HSPA4L: variants seen among roughly 807,000 people sequenced by gnomAD.
The protein encoded by HSPA4L is heat shock 70 kDa protein 4L.
A neutral mutation model predicts 100.3 loss-of-function variants in HSPA4L; 48 were observed. The observed-to-expected ratio is 0.48, with a 90% CI of 0.38 to 0.61. The LOEUF (loss-of-function observed/expected upper bound fraction) is 0.61, where lower values mean the gene tolerates loss of function less well. Among genes scored for constraint, HSPA4L ranks in the 20% least tolerant of loss-of-function variants. The pLI, the probability that HSPA4L is intolerant of heterozygous loss-of-function variation, is 0.00. For missense variants in HSPA4L, 886 were observed against 988.6 expected (o/e 0.90, Z 1.39); for synonymous variants, 319 against 328.2 (o/e 0.97, Z 0.30).
chr4:127,801,779 A>T lies in HSPA4L; in HGVS notation c.530-6A>T. The stretch of plus-strand genomic sequence containing the variant: ...AGAATTAACATAATTCTTTGTTCTT[A>T]TACAGTTGCACTGGCGTATGGAATT... On this transcript the variant is annotated splice_region_variant and splice_polypyrimidine_tract_variant and intron_variant, in intron 5 of 18. Coordinates refer to ENST00000296464, the MANE Select transcript of HSPA4L (RefSeq NM_014278.4). 6.3e-7 allele frequency: 1 copy of T among 1,594,244 alleles called. No homozygotes were observed. The highest frequency in any genetic ancestry group is 8.5e-7 in the Non-Finnish European group (1 of 1,172,614).
At chr4:127,781,961 C>G (rs539171410), upstream of HSPA4L, 774 of 431,834 alleles carry the variant, frequency 1.8e-3, 3 homozygotes, top group South Asian at 2.8e-3. Flanking sequence ...AAAAATGTGC[C>G]TCAAAACACG....
chr4:127,792,259 CTATCT>C (rs1285990118), intron 1 of HSPA4L, among the ~76,000 whole-genome samples: 1 of 152,160 alleles, frequency 6.6e-6, no homozygotes, highest in African/African-American at 2.4e-5. Flanking sequence ...GGCCTTGATA[CTATCT>C]TATCAAATTG....
At chr4:127,782,789 A>C (rs995378361) in intron 1 of HSPA4L, 132 bp downstream of exon 1, 3 of 642,710 alleles carry the variant, frequency 4.7e-6, no homozygotes, top group Non-Finnish European at 7.9e-6. Context: ...GACAGGTGCA[A>C]CCCGTCAACC....
chr4:127,832,824 A>G lies in HSPA4L; in HGVS notation c.2470A>G (p.Lys824Glu). The change falls in exon 19 of 19, where the codon AAA becomes GAA. Residue 824 changes from lysine to glutamate, a missense_variant. By Grantham distance (56) the Lys-to-Glu change is moderately conservative. Coordinates refer to ENST00000296464, the MANE Select transcript of HSPA4L (RefSeq NM_014278.4). Reference protein sequence around the residue: ...SGTETKSDSTKDSSQHTKSSG... With the variant: ...SGTETKSDSTEDSSQHTKSSG... ...AACTGAAACTAAATCAGATTCAACAAAAGACAGCTCACAGCATACTAAATC... is the reference window on the plus strand; with the variant it reads ...AACTGAAACTAAATCAGATTCAACAGAAGACAGCTCACAGCATACTAAATC... The G allele has an allele frequency of 6.2e-7, 1 of 1,613,562 alleles. No homozygotes were observed. Among genetic ancestry groups the G allele is most frequent in the Non-Finnish European group, 8.5e-7 (1 of 1,179,708 alleles).
At chr4:127,793,840 AT>A (rs1578692159) in intron 1 of HSPA4L, among the ~76,000 whole-genome samples, 1 of 152,298 alleles carries the variant, frequency 6.6e-6, no homozygotes. Flanking sequence ...AATTTTGGAG[AT>A]CAACATTGTA....
At chr4:127,787,961 A>G (rs1732764897) in intron 1 of HSPA4L, among the ~76,000 whole-genome samples, 1 of 152,172 alleles carries the variant, frequency 6.6e-6, no homozygotes, top group Non-Finnish European at 1.5e-5. Flanking sequence ...GGTTGCAGGT[A>G]GTGGTAGTTT....
chr4:127,820,391 A>G (rs752621482), intron 13 of HSPA4L, 37 bp from the exon 14 acceptor site: 54 of 1,541,982 alleles, frequency 3.5e-5, no homozygotes, highest in Admixed American at 6.8e-5. Context: ...TTTTTAAGCT[A>G]ATTTTAGAAA....
chr4:127,809,673 A>C (rs1733472013), intron 11 of HSPA4L, among the ~76,000 whole-genome samples: 1 of 152,116 alleles, frequency 6.6e-6, no homozygotes, highest in Admixed American at 6.6e-5. Context: ...TCGTCCAAGG[A>C]ATTGATTATG....
chr4:127,792,857 G>A (rs1732914258), intron 1 of HSPA4L, among the ~76,000 whole-genome samples: 1 of 152,194 alleles, frequency 6.6e-6, no homozygotes, highest in Non-Finnish European at 1.5e-5. Context: ...GACCTGAAAG[G>A]AGTGAGAGCA....
intron 8 of HSPA4L, 54 bp downstream of exon 8, chr4:127,804,141 C>CG: frequency 7.5e-7 from 1 of 1,327,844 alleles, no homozygotes; most frequent in Non-Finnish European, 1.1e-6. Flanking sequence ...GCCTACTTAG[C>CG]GGGGGTAGAT....
chr4:127,814,881 G>A (rs1210499812), intron 12 of HSPA4L, among the ~76,000 whole-genome samples: 2 of 152,026 alleles, frequency 1.3e-5, no homozygotes, highest in African/African-American at 4.8e-5. Flanking sequence ...CTTTTTAATG[G>A]TTCTCTCTAG....
intron 4 of HSPA4L, 119 bp downstream of exon 4, chr4:127,798,828 C>A: frequency 1.1e-6 from 1 of 903,470 alleles, no homozygotes; most frequent in Admixed American, 3.0e-5. Context: ...AACCTAAATC[C>A]ATCTGACTTT....
Position 127,825,097 on chromosome 4 carries a change from G to A in HSPA4L, c.2046+1473G>A, listed in dbSNP as rs912469001. 9.3e-5 allele frequency among the ~76,000 whole-genome samples: 14 copies of A among 150,618 alleles called. No individual in the cohort carries two copies. The South Asian group carries it at 1.5e-3, about 16-fold the overall frequency. ...GGAACTTGCAGTGAGCTGAGATTGC[G>A]CCACTGCACTCCAGCCTGGGCGACA... On this transcript the variant is annotated intron_variant, in intron 16 of 18. Transcript: ENST00000296464.
intron 1 of HSPA4L, among the ~76,000 whole-genome samples, chr4:127,786,236 C>A (rs957205677): frequency 6.6e-6 from 1 of 152,110 alleles, no homozygotes; most frequent in Non-Finnish European, 1.5e-5. Flanking sequence ...ATTAGTAAAA[C>A]AATGAATTGG....
At chr4:127,803,044 T>C (rs1199899297) in intron 6 of HSPA4L, among the ~76,000 whole-genome samples, 1 of 152,206 alleles carries the variant, frequency 6.6e-6, no homozygotes, top group African/African-American at 2.4e-5. Context: ...GACTCTCTTC[T>C]GCTGGGAAGC....
intron 1 of HSPA4L, among the ~76,000 whole-genome samples, chr4:127,788,682 TTGGGGTATGTCACAAC>T (rs1181928949): frequency 6.6e-6 from 1 of 152,200 alleles, no homozygotes; most frequent in African/African-American, 2.4e-5. Context: ...CTGAGATATT[TTGGGGTATGTCACAAC>T]TGAGGTCTAA....
At chr4:127,830,914 C>T in intron 18 of HSPA4L, 115 bp downstream of exon 18, 2 of 636,552 alleles carry the variant, frequency 3.1e-6, no homozygotes, top group East Asian at 3.4e-5. Context: ...AAATTTAAGA[C>T]TAATTTTTTA....
At chr4:127,781,891 G>A, upstream of HSPA4L, 1 of 342,996 alleles carries the variant, frequency 2.9e-6, no homozygotes, top group Non-Finnish European at 6.0e-6. Context: ...GGCGGCGCCC[G>A]CCAGCCAGGA....
At chr4:127,818,830 G>A (rs1578716157) in intron 13 of HSPA4L, among the ~76,000 whole-genome samples, 1 of 150,870 alleles carries the variant, frequency 6.6e-6, no homozygotes, top group South Asian at 2.1e-4. Context: ...ACAGACCCCT[G>A]TGACATGAGT....
Sources: gnomAD v4.1 joint callset for allele counts (sites outside exome capture counted in the v4.1 genomes callset) on GRCh38, gnomAD v4.1.1 for gene constraint, MANE v1.5 for transcripts, NCBI Gene and HGNC (gene_info 2026-07-23, HGNC 2026-07-21) for gene names.